FAM210A: variants seen among roughly 807,000 people sequenced by gnomAD.
FAM210A encodes family with sequence similarity 210 member A.
Under a neutral mutation model 25.3 loss-of-function variants are expected in FAM210A, and 13 were observed. The ratio of observed to expected loss-of-function variants is 0.51; its 90% CI spans 0.33 to 0.82. The LOEUF (loss-of-function observed/expected upper bound fraction) is 0.82. Among genes scored for constraint, FAM210A ranks in the 40% least tolerant of loss-of-function variants. FAM210A has a pLI of 0.02. For missense variants in FAM210A, 319 were observed against 323.2 expected, an observed-to-expected ratio of 0.99 and a Z score of 0.10; for synonymous variants, 125 against 118.7, an observed-to-expected ratio of 1.05 and a Z score of -0.35.
intron 1 of FAM210A, among the ~76,000 whole-genome samples, chr18:13,716,297 G>A (rs2043860957): frequency 6.6e-6 from 1 of 152,194 alleles, no homozygotes; most frequent in African/African-American, 2.4e-5. Context: ...TCCCTCTTCA[G>A]AGGCCCTGTT....
At chr18:13,687,220 A>C (rs552276673) in intron 1 of FAM210A, among the ~76,000 whole-genome samples, 141 of 152,214 alleles carry the variant, frequency 9.3e-4, no homozygotes, top group Non-Finnish European at 1.9e-3. Context: ...AAACCTTGGA[A>C]GCTGAGTTCA....
At chr18:13,708,885 C>T (rs2043801304) in intron 1 of FAM210A, among the ~76,000 whole-genome samples, 1 of 152,184 alleles carries the variant, frequency 6.6e-6, no homozygotes, top group African/African-American at 2.4e-5. Flanking sequence ...TTTAACCAGC[C>T]TAGATTCTAC....
Position 13,682,040 on chromosome 18 carries a change from GCCAGTCGAGAT to G in FAM210A, c.27_37del (p.Ser10ThrfsTer9). 6.2e-7 allele frequency: 1 copy of G among 1,611,150 alleles called. No individual in the cohort carries two copies. Among genetic ancestry groups the G allele is most frequent in the Non-Finnish European group, 8.5e-7 (1 of 1,178,258 alleles). Reference sequence around the variant, plus strand: ...ATGTGGTTCCAAGCATGTCCTGCGTGCCAGTCGAGATACAGTCCGTGGTACATTCCATTGCA... The same window carrying G: ...ATGTGGTTCCAAGCATGTCCTGCGTGACAGTCCGTGGTACATTCCATTGCA... On this transcript the variant is annotated frameshift_variant, in exon 2 of 4. Coordinates refer to ENST00000651643, the MANE Select transcript of FAM210A (RefSeq NM_152352.4). LOFTEE classifies it high-confidence loss of function.
At chr18:13,719,726 T>A (rs2043884830) in intron 1 of FAM210A, among the ~76,000 whole-genome samples, 3 of 150,012 alleles carry the variant, frequency 2.0e-5, no homozygotes, top group Non-Finnish European at 3.0e-5. Flanking sequence ...TTACATGAAT[T>A]AAAAAAAAAA....
At chr18:13,718,097 C>CT (rs2043874638) in intron 1 of FAM210A, among the ~76,000 whole-genome samples, 1 of 152,174 alleles carries the variant, frequency 6.6e-6, no homozygotes, top group Non-Finnish European at 1.5e-5. Flanking sequence ...CTGCTTGACA[C>CT]TTTGAGATGC....
intron 1 of FAM210A, among the ~76,000 whole-genome samples, chr18:13,701,981 A>G (rs147182351): frequency 3.2e-4 from 49 of 152,372 alleles, no homozygotes; most frequent in Non-Finnish European, 6.6e-4. Context: ...TGCCAGTTCG[A>G]TAATTTGGCG....
intron 1 of FAM210A, among the ~76,000 whole-genome samples, chr18:13,682,353 G>T (rs1293275339): frequency 6.6e-6 from 1 of 152,206 alleles, no homozygotes; most frequent in Non-Finnish European, 1.5e-5. Context: ...GATCACCTGA[G>T]ATCAGGAGTT....
chr18:13,686,610 A>G (rs1158446782), intron 1 of FAM210A, among the ~76,000 whole-genome samples: 1 of 152,204 alleles, frequency 6.6e-6, no homozygotes, highest in African/African-American at 2.4e-5. Context: ...CTCTTTACTT[A>G]CAATAATTTT....
intron 2 of FAM210A, among the ~76,000 whole-genome samples, chr18:13,672,958 C>T (rs1785193): frequency 0.92 from 140,401 of 152,258 alleles, 64,781 homozygotes; most frequent in East Asian, 0.97. Context: ...CGCAACTTCT[C>T]CGTTTCCAGC....
At chr18:13,716,698 G>A (rs1040783875) in intron 1 of FAM210A, among the ~76,000 whole-genome samples, 6 of 152,076 alleles carry the variant, frequency 3.9e-5, no homozygotes, top group Non-Finnish European at 7.4e-5. Context: ...GAGTTCTCAC[G>A]AGATCTGATG....
intron 1 of FAM210A, among the ~76,000 whole-genome samples, chr18:13,708,623 G>A (rs2043798634): frequency 6.6e-6 from 1 of 152,172 alleles, no homozygotes; most frequent in Non-Finnish European, 1.5e-5. Context: ...AAGCATGGGG[G>A]AAAAAGACCA....
At chr18:13,692,795 G>A (rs1568483269) in intron 1 of FAM210A, among the ~76,000 whole-genome samples, 1 of 152,138 alleles carries the variant, frequency 6.6e-6, no homozygotes, top group Non-Finnish European at 1.5e-5. Context: ...GAGAAAGCAG[G>A]AAAGATCTAA....
At chr18:13,695,973 G>T (rs1419528741) in intron 1 of FAM210A, among the ~76,000 whole-genome samples, 1 of 151,882 alleles carries the variant, frequency 6.6e-6, no homozygotes, top group East Asian at 1.9e-4. Context: ...AGAATTTGAA[G>T]TTAAAAAATA....
chr18:13,688,880 C>T (rs76567373), intron 1 of FAM210A, among the ~76,000 whole-genome samples: 2,709 of 152,348 alleles, frequency 0.018, 31 homozygotes, highest in Middle Eastern at 0.061. Context: ...TGCCTGCGTG[C>T]TTTCTCCTGT....
At chr18:13,719,627 T>C (rs1039202197) in intron 1 of FAM210A, among the ~76,000 whole-genome samples, 1 of 152,082 alleles carries the variant, frequency 6.6e-6, no homozygotes, top group African/African-American at 2.4e-5. Context: ...CCACTGCTAC[T>C]ATGGTTAATT....
rs552403778 is a variant in FAM210A, at chr18:13,682,012, A to C, written c.66T>G (p.Asn22Lys). The part of the protein sequence containing the change: ...LARRTCLEPH[N>K]AGLFGHCQNV... ...TTTGACAGTGTCCAAAGAGACCAGC[A>C]TTATGTGGTTCCAAGCATGTCCTGC... The change falls in exon 2 of 4, where the codon AAT (asparagine) becomes AAG (lysine). Residue 22 changes from asparagine to lysine, a missense_variant. Coordinates refer to ENST00000651643, the MANE Select transcript of FAM210A (RefSeq NM_152352.4). 1.9e-6 allele frequency: 3 copies of C among 1,614,084 alleles called. No individual in the cohort carries two copies. Among genetic ancestry groups the C allele is most frequent in the Non-Finnish European group, 2.5e-6 (3 of 1,179,988 alleles).
At chr18:13,688,546 A>T (rs1477871083) in intron 1 of FAM210A, among the ~76,000 whole-genome samples, 1 of 152,148 alleles carries the variant, frequency 6.6e-6, no homozygotes, top group Non-Finnish European at 1.5e-5. Flanking sequence ...AAAATTCTCC[A>T]TATTCATTAT....
At chr18:13,681,236 C>T (rs1399778375) in intron 2 of FAM210A, among the ~76,000 whole-genome samples, 3 of 152,140 alleles carry the variant, frequency 2.0e-5, no homozygotes, top group Admixed American at 6.5e-5. Flanking sequence ...TGAGATCAGA[C>T]GCACCTAATT....
intron 1 of FAM210A, among the ~76,000 whole-genome samples, chr18:13,713,144 CT>C (rs35965905): frequency 6.6e-6 from 1 of 152,214 alleles, no homozygotes; most frequent in Non-Finnish European, 1.5e-5. Context: ...TACAGCACAA[CT>C]TTTTTTACCA....
Sources: gnomAD v4.1 joint callset for allele counts (sites outside exome capture counted in the v4.1 genomes callset) on GRCh38, gnomAD v4.1.1 for gene constraint, MANE v1.5 for transcripts, NCBI Gene and HGNC (gene_info 2026-07-23, HGNC 2026-07-21) for gene names.